EMC1: variants seen among roughly 807,000 people sequenced by gnomAD.
EMC1 encodes the protein KIAA0090.
A neutral mutation model predicts 128.8 loss-of-function variants in EMC1; 103 were observed. The ratio of observed to expected loss-of-function variants is 0.80; its 90% CI spans 0.68 to 0.94. EMC1 has a LOEUF of 0.94. EMC1 is among the 40% of genes least tolerant of loss of function. The pLI is 0.00. For missense variants in EMC1, 1,083 were observed against 1,250.6 expected, an observed-to-expected ratio of 0.87 and a Z score of 2.02; for synonymous variants, 442 against 490.4, an observed-to-expected ratio of 0.90 and a Z score of 1.30.
intron 9 of EMC1, 131 bp downstream of exon 9, chr1:19,239,100 C>T (rs535602218): frequency 5.9e-6 from 5 of 849,066 alleles, no homozygotes; most frequent in Non-Finnish European, 5.8e-6. Flanking sequence ...CAAGACCTCA[C>T]TTCTCAACAG....
chr1:19,231,380 C>T lies in EMC1; in HGVS notation c.1825G>A (p.Gly609Arg), dbSNP rs1266621519. The T allele has an allele frequency of 6.2e-7, 1 of 1,611,402 alleles. No individual in the cohort carries two copies. The highest frequency in any genetic ancestry group is 8.5e-7 in the Non-Finnish European group (1 of 1,179,444). The change falls in exon 16 of 23, where the codon GGG becomes AGG. Residue 609 changes from glycine (G) to arginine (R), a missense_variant. Coordinates refer to ENST00000477853, the MANE Select transcript of EMC1 (RefSeq NM_015047.3). ...GGGGGAGCTACCTGACTCCACTTCC[C>T]AAAAATGGGATTGAAGACATACAGA... is the stretch of plus-strand genomic sequence containing the variant. The part of the protein sequence containing the change: ...SSLYVFNPIF[G>R]KWSQVAPPVL...
chr1:19,247,325 C>T (rs1432238280), intron 1 of EMC1, among the ~76,000 whole-genome samples: 2 of 152,144 alleles, frequency 1.3e-5, no homozygotes, highest in African/African-American at 4.8e-5. Context: ...AGGTGCATGC[C>T]ATTGTGCCCA....
intron 18 of EMC1, among the ~76,000 whole-genome samples, chr1:19,224,451 C>T (rs2093456165): frequency 6.6e-6 from 1 of 152,194 alleles, no homozygotes; most frequent in South Asian, 2.1e-4. Context: ...CAGCCAGTCA[C>T]GACTCCATAC....
chr1:19,240,740 A>G, intron 6 of EMC1: 1 of 572,380 alleles, frequency 1.7e-6, no homozygotes, highest in Non-Finnish European at 3.1e-6. Flanking sequence ...TATTTGCCAT[A>G]TGTGGTGTCC....
chr1:19,240,780 T>C (rs2093600804), intron 6 of EMC1: 2 of 582,492 alleles, frequency 3.4e-6, no homozygotes, highest in Non-Finnish European at 6.1e-6. Context: ...TGTAAGATAC[T>C]TACAGGCAGA....
Position 19,218,625 on chromosome 1 carries a change from T to C in EMC1, c.*678A>G, listed in dbSNP as rs2093408985. ...CAACAAACAAGACGCTAGTATGCAC[T>C]TGGCTTCTGATAAATTGAAACAAAG... On this transcript the variant is annotated 3_prime_UTR_variant, in exon 23 of 23. Transcript: ENST00000477853. 6.6e-6 allele frequency: 1 copy of C among 151,676 alleles called. No individual in the cohort carries two copies. The highest frequency in any genetic ancestry group is 2.1e-4 in the South Asian group (1 of 4,818). 9.4% of individuals were successfully genotyped at this position (151,676 alleles called of 1,614,324 possible). A position where few individuals can be genotyped will look rare whatever the true frequency, so the allele number is the denominator to read the frequency against.
chr1:19,231,140 C>T, intron 16 of EMC1, 121 bp downstream of exon 16: 1 of 1,347,026 alleles, frequency 7.4e-7, no homozygotes, highest in Non-Finnish European at 1.0e-6. Context: ...TTCGGGATGG[C>T]CTTAGAGCCC....
chr1:19,228,406 G>C (rs1188047122), intron 17 of EMC1, among the ~76,000 whole-genome samples: 1 of 152,074 alleles, frequency 6.6e-6, no homozygotes, highest in African/African-American at 2.4e-5. Flanking sequence ...ATTGTTTATG[G>C]TCATAGGAAA....
intron 5 of EMC1, 34 bp downstream of exon 5, chr1:19,242,311 G>C (rs545197225): frequency 1.9e-6 from 3 of 1,613,286 alleles, no homozygotes; most frequent in Middle Eastern, 1.7e-4. Flanking sequence ...AGAGTAGAAC[G>C]AGGCAGCTAT....
At position 19,238,826 on chromosome 1, in the gene EMC1, A is replaced by C; in HGVS notation, c.1058T>G (p.Met353Arg). ...QKSSSSEDGS[M>R]GSFSEKSSSK... ...ACTAGACTTCTCCGAAAAGCTCCCCATTGACCCATCTTCAGAACTGCTACT... is the reference window on the plus strand; with the variant it reads ...ACTAGACTTCTCCGAAAAGCTCCCCCTTGACCCATCTTCAGAACTGCTACT... Residue 353 changes from methionine to arginine, a missense_variant, in exon 10 of 23, where the codon ATG becomes AGG. Coordinates refer to ENST00000477853, the MANE Select transcript of EMC1 (RefSeq NM_015047.3). 1 of 1,611,968 alleles carries C rather than the reference A, an allele frequency of 6.2e-7. No individual in the cohort carries two copies. Among genetic ancestry groups the C allele is most frequent in the Non-Finnish European group, 8.5e-7 (1 of 1,178,120 alleles).
chr1:19,220,957 G>A (rs1263226461), intron 20 of EMC1, 109 bp from the exon 21 acceptor site: 2 of 691,730 alleles, frequency 2.9e-6, no homozygotes, highest in South Asian at 4.0e-5. Context: ...CAAAAAAATG[G>A]GTCAATGAGG....
intron 11 of EMC1, 52 bp from the exon 12 acceptor site, chr1:19,237,290 G>C: frequency 7.8e-7 from 1 of 1,279,710 alleles, no homozygotes; most frequent in South Asian, 1.2e-5. Context: ...AAATGCCTCT[G>C]AGAGCACCAG....
In EMC1 at chr1:19,232,819, A is replaced by G. The variant is rs200999216; in HGVS notation, c.1633-46T>C. On this transcript the variant is annotated intron_variant, in intron 14 of 22. Coordinates refer to ENST00000477853, the MANE Select transcript of EMC1 (RefSeq NM_015047.3). ...TGGCTCACTACTAGAAAGAGAAACC[A>G]AAGAACTGAGTCTGTCCTTGAAAAC... 75 of 1,612,868 alleles carry G rather than the reference A, an allele frequency of 4.7e-5. No individual in the cohort carries two copies. The South Asian group carries it at 6.0e-4, about 13-fold the overall frequency.
rs2073104 is a variant in EMC1 at position 19,238,156 on chromosome 1, C to G, written c.1090-17G>C. 0.24 allele frequency: 385,016 copies of G among 1,611,474 alleles called. 51,665 individuals carry two copies. Among genetic ancestry groups the G allele is most frequent in the East Asian group, 0.62 (27,772 of 44,824 alleles). ...CAGAGAGTCCTAGGAGTACAGACAG[C>G]ACGTGTCAACTACAGGTATCCCCCG... On this transcript the variant is annotated splice_polypyrimidine_tract_variant and intron_variant, in intron 10 of 22. Coordinates refer to ENST00000477853, the MANE Select transcript of EMC1 (RefSeq NM_015047.3).
chr1:19,222,954 CA>C (rs2093443501), intron 19 of EMC1, 120 bp from the exon 20 acceptor site: 1 of 710,908 alleles, frequency 1.4e-6, no homozygotes, highest in African/African-American at 1.8e-5. Flanking sequence ...CATCAACTAG[CA>C]CCTCACTTTT....
Position 19,218,845 on chromosome 1 carries a change from A to G in EMC1, c.*458T>C, listed in dbSNP as rs2093410438. On this transcript the variant is annotated 3_prime_UTR_variant, in exon 23 of 23. Coordinates refer to ENST00000477853, the MANE Select transcript of EMC1 (RefSeq NM_015047.3). ...AACACCAAATGTACCTATAAGGTGG[A>G]GTCGGCAAGGAGAGTTCCCCTCTTA... 3 of 167,586 alleles carry G rather than the reference A, an allele frequency of 1.8e-5. No individual in the cohort carries two copies. Among genetic ancestry groups the G allele is most frequent in the Non-Finnish European group, 3.9e-5 (3 of 76,620 alleles). 10.4% of individuals were successfully genotyped at this position (167,586 alleles called of 1,614,324 possible).
intron 13 of EMC1, chr1:19,234,121 C>T: frequency 1.0e-6 from 1 of 966,492 alleles, no homozygotes; most frequent in Non-Finnish European, 1.2e-6. Context: ...AAACAATTAA[C>T]CAAAAGCTAG....
chr1:19,242,602 T>C, intron 4 of EMC1, 129 bp from the exon 5 acceptor site: 1 of 969,360 alleles, frequency 1.0e-6, no homozygotes, highest in Non-Finnish European at 1.5e-6. Flanking sequence ...CACAGCTGGA[T>C]CCTAACCCTG....
chr1:19,223,576 A>C lies in EMC1; in HGVS notation c.2203-7T>G, dbSNP rs778360348. 6.2e-7 allele frequency: 1 copy of C among 1,613,120 alleles called. No homozygotes were observed. Among genetic ancestry groups the C allele is most frequent in the Non-Finnish European group, 8.5e-7 (1 of 1,179,830 alleles). ...GCAGGTTGGGGTTCAGGCTCTGGAG[A>C]GAGAGAGAAAACCTCCCTTAGAACC... On this transcript the variant is annotated splice_polypyrimidine_tract_variant and splice_region_variant and intron_variant, in intron 18 of 22. Coordinates refer to ENST00000477853, the MANE Select transcript of EMC1 (RefSeq NM_015047.3).
Sources: gnomAD v4.1 joint callset for allele counts (sites outside exome capture counted in the v4.1 genomes callset) on GRCh38, gnomAD v4.1.1 for gene constraint, MANE v1.5 for transcripts, NCBI Gene and HGNC (gene_info 2026-07-23, HGNC 2026-07-21) for gene names.